The following PGC variants were observed in gnomAD, a reference collection of about 807,000 sequenced individuals.
PGC encodes the protein gastricsin.
Under a neutral mutation model 45.9 loss-of-function variants are expected in PGC, and 31 were observed. That is an observed-to-expected ratio of 0.67 (90% CI 0.51 to 0.91). PGC has a LOEUF of 0.91. PGC is among the 40% of genes least tolerant of loss of function. The pLI, the probability that PGC is intolerant of heterozygous loss-of-function variation, is 0.00. For synonymous variants in PGC, 192 were observed against 201.8 expected (o/e 0.95, Z 0.41); for missense variants, 477 against 493.2 (o/e 0.97, Z 0.31).
rs757316009 is a variant in PGC, at chr6:41,744,305, G to C, written c.328+92C>G. On this transcript the variant is annotated intron_variant, in intron 3 of 8. Coordinates refer to ENST00000373025, the MANE Select transcript of PGC (RefSeq NM_002630.4). This position sits in a 1 kb window ranked among gnomAD's most constrained non-coding sequence, Gnocchi z 4.4. ...CCTCCCCAGGACTGAGCTCCCCTCAGTCCTGAGCTCCCTCTGGAAGTTTGG... is the reference window on the plus strand; with the variant it reads ...CCTCCCCAGGACTGAGCTCCCCTCACTCCTGAGCTCCCTCTGGAAGTTTGG... 2.9e-5 allele frequency: 25 copies of C among 854,398 alleles called. No homozygotes were observed. The highest frequency in any genetic ancestry group is 4.8e-5 in the Non-Finnish European group (25 of 526,134). 52.9% of individuals were successfully genotyped at this position (854,398 alleles called of 1,614,324 possible).
At chr6:41,742,257 C>G in intron 5 of PGC, 33 bp downstream of exon 5, 1 of 1,600,214 alleles carries the variant, frequency 6.2e-7, no homozygotes, top group Non-Finnish European at 8.6e-7. Flanking sequence ...GGGAGCATCC[C>G]GGGAGGTGGG....
intron 4 of PGC, among the ~76,000 whole-genome samples, chr6:41,742,914 G>A (rs929820893): frequency 7.9e-5 from 12 of 152,276 alleles, no homozygotes; most frequent in East Asian, 3.9e-4. Context: ...GTGAGCCACC[G>A]TAGCCAGCCA....
At position 41,742,302 on chromosome 6, in the gene PGC, A is replaced by G. The variant is rs935725038; in HGVS notation, c.635T>C (p.Val212Ala). 5.0e-6 allele frequency: 8 copies of G among 1,613,788 alleles called. No homozygotes were observed. The African/African-American group carries it at 8.0e-5, about 16-fold the overall frequency. Residue 212 changes from valine to alanine, a missense_variant, in exon 5 of 9, where the codon GTC becomes GCC. Transcript: ENST00000373025. ...GCTGGTTGCTCACTTGCTGAGGTAG[A>G]CGCTGAAGACGGGGCTGGTGAGGGC... ...EGALTSPVFS[V>A]YLSNQQGSSG...
chr6:41,741,144 G>A (rs1169858459), intron 5 of PGC: 17 of 1,537,042 alleles, frequency 1.1e-5, no homozygotes, highest in Non-Finnish European at 1.5e-5. Flanking sequence ...GACAGGTAGG[G>A]TCTTGGTGAA....
At position 41,743,369 on chromosome 6, in the gene PGC, G is replaced by A; in HGVS notation, c.349C>T (p.Pro117Ser). The A allele has an allele frequency of 6.2e-7, 1 of 1,613,422 alleles. No homozygotes were observed. The highest frequency in any genetic ancestry group is 8.5e-7 in the Non-Finnish European group (1 of 1,179,316). The change falls in exon 4 of 9, where the codon CCC becomes TCC. Residue 117 changes from proline to serine, a missense_variant. Physicochemically the swap from Pro to Ser is moderately conservative, Grantham distance 74. Coordinates refer to ENST00000373025, the MANE Select transcript of PGC (RefSeq NM_002630.4). ...QACTSHSRFN[P>S]SESSTYSTNG... ...GTGGAGTAGGTGGACGACTCGCTGG[G>A]GTTGAAGCGGGAGTGACTGGCTGCA...
In PGC at chr6:41,738,151, T is replaced by C. The variant is rs1250832400; in HGVS notation, c.916-323A>G. On this transcript the variant is annotated intron_variant, in intron 7 of 8. Coordinates refer to ENST00000373025, the MANE Select transcript of PGC (RefSeq NM_002630.4). Reference sequence around the variant, plus strand: ...ATATATGCATATATATATGCATATATATATACATATATATGCATATATATA... The same window carrying C: ...ATATATGCATATATATATGCATATACATATACATATATATGCATATATATA... Among the ~76,000 whole-genome samples the C allele has an allele frequency of 1.4e-4, 6 of 43,370 alleles. 1 individual carries two copies. Among genetic ancestry groups the C allele is most frequent in the African/African-American group, 4.3e-4 (6 of 13,806 alleles). The allele number at this position is 43,370 out of a possible 152,430, so 28.5% of individuals were successfully genotyped here.
chr6:41,746,189 A>G (rs563695616), intron 1 of PGC, among the ~76,000 whole-genome samples: 1 of 151,840 alleles, frequency 6.6e-6, no homozygotes, highest in South Asian at 2.1e-4. Context: ...AAGATTTCAG[A>G]GATGGCAAAG....
Position 41,739,893 on chromosome 6 carries a change from A to G in PGC, c.821T>C (p.Ile274Thr). Residue 274 changes from isoleucine (I) to threonine (T), a missense_variant, in exon 7 of 9, where the codon ATC becomes ACC. By Grantham distance (89) the Ile-to-Thr change is moderately conservative. Transcript: ENST00000373025. ...SGWCSEGCQAIVDTGTSLLTV... is the reference protein window; with the variant it reads ...SGWCSEGCQATVDTGTSLLTV... ...GAGCAGAGAGGTGCCTGTGTCCACG[A>G]TGGCCTGGCAACCCTCAGAACACCA... The G allele has an allele frequency of 1.2e-6, 2 of 1,614,006 alleles. No individual in the cohort carries two copies. The highest frequency in any genetic ancestry group is 2.2e-5 in the South Asian group (2 of 90,966).
Position 41,740,594 on chromosome 6 carries a change from C to T in PGC, c.664G>A (p.Gly222Arg), listed in dbSNP as rs561530442. Residue 222 changes from glycine (G) to arginine (R), a missense_variant, in exon 6 of 9, where the codon GGG becomes AGG. Gly to Arg is a moderately radical substitution (Grantham distance 125). Transcript: ENST00000373025. ...ACACCCCCAAAGACAACCGCTCCCC[C>T]GCTGGAGCCCTGCTGGCTGCAGGAG... is the stretch of plus-strand genomic sequence containing the variant. ...VYLSNQQGSS[G>R]GAVVFGGVDS... The T allele has an allele frequency of 9.4e-6, 15 of 1,600,368 alleles. No individual in the cohort carries two copies. Among genetic ancestry groups the T allele is most frequent in the African/African-American group, 4.1e-5 (3 of 74,058 alleles).
In PGC at chr6:41,743,307, G is replaced by C. The variant is rs375528437; in HGVS notation, c.411C>G (p.Gly137=). The stretch of plus-strand genomic sequence containing the variant: ...CATAGCCAAAGAAGCCGGTGAGGCT[G>C]CCACTGCCATACTGCAGGGAGAAGG... ...GQTFSLQYGS[G]SLTGFFGYDT... is the part of the protein sequence containing the mutation. Residue 137 remains glycine (G), a synonymous_variant, in exon 4 of 9, where the codon GGC becomes GGG. Transcript: ENST00000373025. The C allele has an allele frequency of 3.3e-5, 54 of 1,613,458 alleles. No individual in the cohort carries two copies. Among genetic ancestry groups the C allele is most frequent in the Non-Finnish European group, 1.2e-5 (14 of 1,179,464 alleles).
intron 1 of PGC, among the ~76,000 whole-genome samples, chr6:41,745,779 C>A (rs1037471437): frequency 1.3e-5 from 2 of 151,148 alleles, no homozygotes; most frequent in African/African-American, 4.9e-5. Context: ...AAACTCCCGA[C>A]CTCAAATGAT....
chr6:41,741,109 T>A (rs1771815476), intron 5 of PGC: 1 of 1,536,922 alleles, frequency 6.5e-7, no homozygotes, highest in Non-Finnish European at 8.7e-7. Context: ...CCGGCCCAGC[T>A]TGTTACTTTT....
rs538760215 is a variant in PGC, at chr6:41,740,089, C to T, written c.768-143G>A. The T allele has an allele frequency of 8.9e-4, 622 of 695,426 alleles. 4 individuals are homozygous for T. The highest frequency in any genetic ancestry group is 1.2e-3 in the Non-Finnish European group (518 of 415,860). 43.1% of individuals were successfully genotyped at this position (695,426 alleles called of 1,614,324 possible). Reference sequence around the variant, plus strand: ...CCCTGCAAAGATCAATCCGGCTATTCCCCTGCATCATGCCATGGGACCTAG... The same window carrying T: ...CCCTGCAAAGATCAATCCGGCTATTTCCCTGCATCATGCCATGGGACCTAG... On this transcript the variant is annotated intron_variant, in intron 6 of 8. Transcript: ENST00000373025.
intron 7 of PGC, among the ~76,000 whole-genome samples, chr6:41,738,253 T>TATATATATACATATATATATGC (rs1561880066): frequency 3.1e-4 from 4 of 13,038 alleles, no homozygotes; most frequent in African/African-American, 7.0e-4. Flanking sequence ...TATATATGCA[T>TATATATATACATATATATATGC]ATATATATAT....
intron 7 of PGC, among the ~76,000 whole-genome samples, chr6:41,738,268 A>ATATATATATG (rs1771754677): frequency 1.5e-5 from 2 of 137,466 alleles, no homozygotes; most frequent in African/African-American, 2.8e-5. Context: ...ATATATGCAC[A>ATATATATATG]CACACACACA....
chr6:41,742,254 T>A (rs995269598), intron 5 of PGC, 36 bp downstream of exon 5: 1 of 1,593,008 alleles, frequency 6.3e-7, no homozygotes, highest in African/African-American at 1.3e-5. Context: ...CGGGGGAGCA[T>A]CCCGGGAGGT....
rs1048179939 is a variant in PGC, at chr6:41,744,363, C to T, written c.328+34G>A. Reference sequence around the variant, plus strand: ...CAGAGGGTATCAGTGCCTTGCCCTGCCAACCACCCCTCTCTGCCCAGCCCA... The same window carrying T: ...CAGAGGGTATCAGTGCCTTGCCCTGTCAACCACCCCTCTCTGCCCAGCCCA... On this transcript the variant is annotated intron_variant, in intron 3 of 8. Transcript: ENST00000373025. This position sits in a 1 kb window ranked among gnomAD's most constrained non-coding sequence, Gnocchi z 4.4. The T allele has an allele frequency of 1.5e-5, 23 of 1,498,570 alleles. No homozygotes were observed. The African/African-American group carries it at 2.8e-4, about 18-fold the overall frequency. The allele number at this position is 1,498,570 out of a possible 1,614,324, so 92.8% of individuals were successfully genotyped here. A position where few individuals can be genotyped will look rare whatever the true frequency, so the allele number is the denominator to read the frequency against.
At position 41,742,345 on chromosome 6, in the gene PGC, C is replaced by G. The variant is rs528863600; in HGVS notation, c.592G>C (p.Gly198Arg). ...SVDEATTAMQGMVQEGALTSP... is the reference protein window; with the variant it reads ...SVDEATTAMQRMVQEGALTSP... ...GTGAGGGCGCCCTCCTGCACCATGC[C>G]CTGCATAGCTGTGGTGGCCTCATCC... The change falls in exon 5 of 9, where the codon GGC becomes CGC. Residue 198 changes from glycine (G) to arginine (R), a missense_variant. Transcript: ENST00000373025. 2.5e-6 allele frequency: 4 copies of G among 1,614,060 alleles called. No homozygotes were observed. Among genetic ancestry groups the G allele is most frequent in the Non-Finnish European group, 3.4e-6 (4 of 1,180,036 alleles).
intron 6 of PGC, 106 bp from the exon 7 acceptor site, chr6:41,740,052 G>A: frequency 4.3e-6 from 4 of 927,688 alleles, no homozygotes; most frequent in Non-Finnish European, 6.6e-6. Context: ...ACTTTCTTGA[G>A]GAAAGTGAGG....
Sources: allele counts gnomAD v4.1 joint callset (sites outside exome capture counted in the v4.1 genomes callset), GRCh38; gene constraint gnomAD v4.1.1; non-coding constraint Gnocchi (gnomAD v3.1); transcripts MANE v1.5; gene names NCBI Gene and HGNC (gene_info 2026-07-23, HGNC 2026-07-21).